The following SPTBN1 variants were observed in gnomAD, a reference collection of about 807,000 sequenced individuals.
SPTBN1 encodes spectrin beta chain, non-erythrocytic 1.
A neutral mutation model predicts 266.4 loss-of-function variants in SPTBN1; 32 were observed. The observed-to-expected ratio is 0.12, with a 90% confidence interval of 0.09 to 0.16. The LOEUF is 0.16. SPTBN1 is among the 10% of genes least tolerant of loss of function. SPTBN1 has a pLI of 1.00. For synonymous variants in SPTBN1, 1,336 were observed against 1,162.2 expected (o/e 1.15, Z -3.04); for missense variants, 2,296 against 3,067.1 (o/e 0.75, Z 5.94).
At chr2:54,651,028 A>T (rs779334082) in intron 26 of SPTBN1, among the ~76,000 whole-genome samples, 11 of 152,252 alleles carry the variant, frequency 7.2e-5, no homozygotes, top group African/African-American at 1.2e-4. Context: ...TTGGTTCCCT[A>T]ATAGTTTAAG....
chr2:54,580,909 G>A (rs1291756575), intron 2 of SPTBN1, among the ~76,000 whole-genome samples: 1 of 151,968 alleles, frequency 6.6e-6, no homozygotes, highest in East Asian at 1.9e-4. Flanking sequence ...ACCAGCCTGG[G>A]CAACATGTTG....
intron 2 of SPTBN1, among the ~76,000 whole-genome samples, chr2:54,559,672 G>A (rs1343963430): frequency 6.6e-6 from 1 of 152,200 alleles, no homozygotes; most frequent in Non-Finnish European, 1.5e-5. Context: ...GCCCTGGCCA[G>A]CAGTGTCTCA....
At chr2:54,614,830 T>C (rs1441490740) in intron 4 of SPTBN1, among the ~76,000 whole-genome samples, 1 of 151,248 alleles carries the variant, frequency 6.6e-6, no homozygotes. Flanking sequence ...GGTGAGAAAC[T>C]GGAGTGGAAG....
Position 54,664,865 on chromosome 2 carries a change from G to T in SPTBN1, c.6659+174G>T. Reference sequence around the variant, plus strand: ...CGCTGGAAAGCAGGAGTAGAATGCTGGTTATTCACTGAGAGAAGAAGAGTT... The same window carrying T: ...CGCTGGAAAGCAGGAGTAGAATGCTTGTTATTCACTGAGAGAAGAAGAGTT... On this transcript the variant is annotated intron_variant, in intron 33 of 35. Coordinates refer to ENST00000356805, the MANE Select transcript of SPTBN1 (RefSeq NM_003128.3). The surrounding 1 kb of genome is among the most constrained non-coding windows in gnomAD (Gnocchi z 5.6). The T allele has an allele frequency of 1.5e-6, 1 of 662,380 alleles. No homozygotes were observed. The highest frequency in any genetic ancestry group is 2.5e-6 in the Non-Finnish European group (1 of 397,818). 41.0% of individuals were successfully genotyped at this position (662,380 alleles called of 1,614,324 possible).
rs975711965 is a variant in SPTBN1 at position 54,649,365 on chromosome 2, T to C, written c.5202+175T>C. Among the ~76,000 whole-genome samples, 4 of 152,206 alleles carry C rather than the reference T, an allele frequency of 2.6e-5. No homozygotes were observed. Among genetic ancestry groups the C allele is most frequent in the Admixed American group, 1.3e-4 (2 of 15,276 alleles). On this transcript the variant is annotated intron_variant, in intron 25 of 35. Coordinates refer to ENST00000356805, the MANE Select transcript of SPTBN1 (RefSeq NM_003128.3). This position sits in a 1 kb window ranked among gnomAD's most constrained non-coding sequence, Gnocchi z 6.7. ...GCTGGTGACTCGCATTTAGGTTGGC[T>C]AACCTCTCTGTGCACCCCTTCCTCC...
At chr2:54,655,303 C>T (rs1680576955) in intron 28 of SPTBN1, 95 bp downstream of exon 28, 4 of 1,445,640 alleles carry the variant, frequency 2.8e-6, no homozygotes, top group Non-Finnish European at 3.8e-6. Context: ...ACTGTGTTTA[C>T]ATTCTTATAC....
chr2:54,595,269 A>G (rs1180134908), intron 2 of SPTBN1, among the ~76,000 whole-genome samples: 1 of 152,192 alleles, frequency 6.6e-6, no homozygotes, highest in African/African-American at 2.4e-5. Context: ...CAGTCTTTAG[A>G]TGAGTCCTTA....
chr2:54,653,694 A>T lies in SPTBN1; in HGVS notation c.5663A>T (p.Glu1888Val). The T allele has an allele frequency of 2.5e-6, 4 of 1,614,182 alleles. No homozygotes were observed. The highest frequency in any genetic ancestry group is 3.4e-6 in the Non-Finnish European group (4 of 1,180,010). ...GACGATATCCAGAAGCGCGAGAACG[A>T]GGTCCTGGAAGCCTGGAAGTCCCTC... The part of the protein sequence containing the change: ...KADDIQKREN[E>V]VLEAWKSLLD... Residue 1888 changes from glutamate (E) to valine (V), a missense_variant, in exon 27 of 36, where the codon GAG (glutamate) becomes GTG (valine). Glu to Val is a moderately radical substitution (Grantham distance 121). Coordinates refer to ENST00000356805, the MANE Select transcript of SPTBN1 (RefSeq NM_003128.3). The surrounding 1 kb of genome is among the most constrained non-coding windows in gnomAD (Gnocchi z 5.1).
At chr2:54,588,412 G>C (rs1675434950) in intron 2 of SPTBN1, among the ~76,000 whole-genome samples, 1 of 152,126 alleles carries the variant, frequency 6.6e-6, no homozygotes, top group Admixed American at 6.5e-5. Context: ...GTGGGATGGT[G>C]GTTGGAACTA....
At chr2:54,545,003 A>C (rs1672156993) in intron 2 of SPTBN1, among the ~76,000 whole-genome samples, 1 of 152,042 alleles carries the variant, frequency 6.6e-6, no homozygotes, top group Admixed American at 6.6e-5. Context: ...TTCAACTCCC[A>C]CCTATGAGTA....
chr2:54,490,589 T>A (rs998063638), intron 1 of SPTBN1, among the ~76,000 whole-genome samples: 1 of 152,232 alleles, frequency 6.6e-6, no homozygotes, highest in Non-Finnish European at 1.5e-5. Context: ...ATTAATCTGC[T>A]GTTCCTGAAT....
chr2:54,598,167 T>C (rs1676231628), intron 2 of SPTBN1, among the ~76,000 whole-genome samples: 1 of 152,228 alleles, frequency 6.6e-6, no homozygotes, highest in African/African-American at 2.4e-5. Flanking sequence ...TCTAGAGTTT[T>C]ATACCTTAAA....
chr2:54,612,590 G>T (rs1200785984), intron 4 of SPTBN1, among the ~76,000 whole-genome samples: 1 of 152,130 alleles, frequency 6.6e-6, no homozygotes, highest in Non-Finnish European at 1.5e-5. Flanking sequence ...AGCGGCCCAG[G>T]GGCTTCTAGG....
At chr2:54,473,042 CTG>C (rs1467163044) in intron 1 of SPTBN1, among the ~76,000 whole-genome samples, 1 of 152,194 alleles carries the variant, frequency 6.6e-6, no homozygotes, top group Admixed American at 6.5e-5. Flanking sequence ...TTTCATAGCT[CTG>C]TAGCGTATCC....
At chr2:54,624,228 G>A (rs527946495) in intron 10 of SPTBN1, among the ~76,000 whole-genome samples, 11 of 152,186 alleles carry the variant, frequency 7.2e-5, no homozygotes, top group African/African-American at 2.4e-4. Context: ...CTCCCACCTC[G>A]GCTTTCAAAG....
intron 2 of SPTBN1, among the ~76,000 whole-genome samples, chr2:54,532,319 G>A (rs1354451902): frequency 1.3e-5 from 2 of 152,118 alleles, no homozygotes; most frequent in Non-Finnish European, 2.9e-5. Flanking sequence ...TTAACATTGA[G>A]TATTGTCATA....
chr2:54,503,299 G>A (rs947590413), intron 1 of SPTBN1, among the ~76,000 whole-genome samples: 3 of 152,096 alleles, frequency 2.0e-5, no homozygotes, highest in Non-Finnish European at 4.4e-5. Context: ...TCAGCCAGTT[G>A]CTGCCTTCCT....
chr2:54,602,607 C>T (rs74428840), intron 3 of SPTBN1, among the ~76,000 whole-genome samples: 1 of 152,156 alleles, frequency 6.6e-6, no homozygotes, highest in Non-Finnish European at 1.5e-5. Context: ...CTGCCCTCCC[C>T]CAAACCCCAC....
chr2:54,645,526 T>C lies in SPTBN1; in HGVS notation c.4494+73T>C. ...CCTGTGCTAAAGCCCACATTCTCAC[T>C]TCTCAGTCATCCTCACCTTGGGCCA... On this transcript the variant is annotated intron_variant, in intron 21 of 35. Coordinates refer to ENST00000356805, the MANE Select transcript of SPTBN1 (RefSeq NM_003128.3). This position sits in a 1 kb window ranked among gnomAD's most constrained non-coding sequence, Gnocchi z 4.3. The C allele has an allele frequency of 6.7e-7, 1 of 1,498,176 alleles. No individual in the cohort carries two copies. The highest frequency in any genetic ancestry group is 9.1e-7 in the Non-Finnish European group (1 of 1,099,514). The allele number at this position is 1,498,176 out of a possible 1,614,324, so 92.8% of individuals were successfully genotyped here. A position where few individuals can be genotyped will look rare whatever the true frequency, so the allele number is the denominator to read the frequency against.
Sources: allele counts gnomAD v4.1 joint callset (sites outside exome capture counted in the v4.1 genomes callset), GRCh38; gene constraint gnomAD v4.1.1; non-coding constraint Gnocchi (gnomAD v3.1); transcripts MANE v1.5; gene names NCBI Gene and HGNC (gene_info 2026-07-23, HGNC 2026-07-21).